Variants in GDNF observed in about 807,000 individuals in gnomAD.
GDNF encodes the protein glial cell derived neurotrophic factor, also known as glial cell line-derived neurotrophic factor.
A neutral mutation model predicts 13.7 loss-of-function variants in GDNF; 5 were observed. That is an observed-to-expected ratio of 0.36 (90% CI 0.19 to 0.77). The LOEUF is 0.77. GDNF is among the 30% of genes least tolerant of loss of function. The pLI, the probability that GDNF is intolerant of heterozygous loss-of-function variation, is 0.51. For synonymous variants in GDNF, 122 were observed against 112.5 expected (o/e 1.08, Z -0.53); for missense variants, 246 against 274.3 (o/e 0.90, Z 0.73).
intron 2 of GDNF, among the ~76,000 whole-genome samples, chr5:37,818,123 C>A (rs1749998175): frequency 6.6e-6 from 1 of 152,188 alleles, no homozygotes; most frequent in South Asian, 2.1e-4. Context: ...ACCTTTTCGG[C>A]TGGGTCATTC....
At chr5:37,820,269 G>C (rs1203467781) in intron 2 of GDNF, among the ~76,000 whole-genome samples, 2 of 152,110 alleles carry the variant, frequency 1.3e-5, no homozygotes, top group South Asian at 2.1e-4. Context: ...AAATCATGCT[G>C]GTTTAGAGAC....
intron 1 of GDNF, chr5:37,835,033 TG>T (rs1264359448): frequency 1.7e-6 from 1 of 587,328 alleles, no homozygotes; most frequent in Non-Finnish European, 3.0e-6. Flanking sequence ...CTCGCACTCC[TG>T]GTTCAGGTTG....
chr5:37,817,593 C>T lies in GDNF; in HGVS notation c.152-1458G>A, dbSNP rs76736226. On this transcript the variant is annotated intron_variant, in intron 2 of 2. Transcript: ENST00000326524. Reference sequence around the variant, plus strand: ...AAATCTAGCAAAAGCAACTTAACCACGTGTGTGTAGAGTGTGTGTGTGTGT... The same window carrying T: ...AAATCTAGCAAAAGCAACTTAACCATGTGTGTGTAGAGTGTGTGTGTGTGT... Among the ~76,000 whole-genome samples, 175 of 141,934 alleles carry T rather than the reference C, an allele frequency of 1.2e-3. 6 individuals are homozygous for T. The East Asian group carries it at 0.03, about 24-fold the overall frequency. The allele number at this position is 141,934 out of a possible 152,430, so 93.1% of individuals were successfully genotyped here.
intron 1 of GDNF, chr5:37,835,352 G>T (rs889278132): frequency 2.2e-6 from 2 of 907,704 alleles, no homozygotes; most frequent in Non-Finnish European, 3.1e-6. Flanking sequence ...GGTCCCAACC[G>T]GGCTTCTGGC....
At chr5:37,820,371 G>C (rs1327859548) in intron 2 of GDNF, among the ~76,000 whole-genome samples, 2 of 152,150 alleles carry the variant, frequency 1.3e-5, no homozygotes, top group Non-Finnish European at 2.9e-5. Flanking sequence ...TTTAGCCCTT[G>C]ATACTTGGAA....
In GDNF at chr5:37,834,571, G is replaced by A. The variant is rs571321882; in HGVS notation, c.151+75C>T. 7.1e-5 allele frequency: 92 copies of A among 1,289,250 alleles called. No homozygotes were observed. The African/African-American group carries it at 1.2e-3, about 17-fold the overall frequency. The allele number at this position is 1,289,250 out of a possible 1,614,324, so 79.9% of individuals were successfully genotyped here. A position where few individuals can be genotyped will look rare whatever the true frequency, so the allele number is the denominator to read the frequency against. On this transcript the variant is annotated intron_variant, in intron 2 of 2. Transcript: ENST00000326524. ...CAGCCATCAGGCTGGCTTGGGGTAC[G>A]TGCGGGGCTGGCTGCGGGTGGGGGT...
intron 2 of GDNF, among the ~76,000 whole-genome samples, chr5:37,821,190 T>C (rs1750125414): frequency 6.6e-6 from 1 of 152,122 alleles, no homozygotes; most frequent in Non-Finnish European, 1.5e-5. Flanking sequence ...CAGAGGCCTC[T>C]CACCCAGCCC....
chr5:37,815,886 T>A lies in GDNF; in HGVS notation c.401A>T (p.Tyr134Phe). 6.2e-7 allele frequency: 1 copy of A among 1,614,188 alleles called. No individual in the cohort carries two copies. The change falls in exon 3 of 3, where the codon TAT becomes TTT. Residue 134 changes from tyrosine to phenylalanine, a missense_variant. By Grantham distance (22) the Tyr-to-Phe change is conservative. Coordinates refer to ENST00000326524, the MANE Select transcript of GDNF (RefSeq NM_000514.4). This position sits in a 1 kb window ranked among gnomAD's most constrained non-coding sequence, Gnocchi z 5.0. The part of the protein sequence containing the change: ...HLNVTDLGLG[Y>F]ETKEELIFRY... ...AAAAATCAGTTCCTCCTTGGTTTCA[T>A]AGCCCAGACCCAAGTCAGTGACATT... is the stretch of plus-strand genomic sequence containing the variant.
chr5:37,827,693 C>T (rs1437034740), intron 2 of GDNF, among the ~76,000 whole-genome samples: 1 of 152,216 alleles, frequency 6.6e-6, no homozygotes, highest in African/African-American at 2.4e-5. Flanking sequence ...TTAACATGTA[C>T]ATTTGAATTG....
rs1053155559 is a variant in GDNF, at chr5:37,814,911, C to G, written c.*740G>C. 1.3e-5 allele frequency: 2 copies of G among 152,350 alleles called. No homozygotes were observed. The highest frequency in any genetic ancestry group is 2.9e-5 in the Non-Finnish European group (2 of 68,148). The allele number at this position is 152,350 out of a possible 1,614,324, so 9.4% of individuals were successfully genotyped here. On this transcript the variant is annotated 3_prime_UTR_variant, in exon 3 of 3. Transcript: ENST00000326524. Reference sequence around the variant, plus strand: ...TGCTGGCGAAAACCACAACTCGTTTCCTGTTTCCAAGGACATAAAGGAAAT... The same window carrying G: ...TGCTGGCGAAAACCACAACTCGTTTGCTGTTTCCAAGGACATAAAGGAAAT...
chr5:37,827,456 A>G (rs976671587), intron 2 of GDNF, among the ~76,000 whole-genome samples: 1 of 152,256 alleles, frequency 6.6e-6, no homozygotes, highest in African/African-American at 2.4e-5. Context: ...AAAAGAGGTT[A>G]ATCTTAGTGA....
intron 2 of GDNF, among the ~76,000 whole-genome samples, chr5:37,818,121 G>A (rs1468842348): frequency 1.3e-5 from 2 of 152,094 alleles, no homozygotes; most frequent in Admixed American, 1.3e-4. Flanking sequence ...TGACCTTTTC[G>A]GCTGGGTCAT....
At chr5:37,819,932 T>G (rs1262726224) in intron 2 of GDNF, among the ~76,000 whole-genome samples, 1 of 152,114 alleles carries the variant, frequency 6.6e-6, no homozygotes, top group East Asian at 1.9e-4. Context: ...TAATAAGCTA[T>G]TAAAGAGGAA....
At chr5:37,817,898 C>T (rs531074673) in intron 2 of GDNF, among the ~76,000 whole-genome samples, 3 of 152,298 alleles carry the variant, frequency 2.0e-5, no homozygotes, top group Admixed American at 1.3e-4. Flanking sequence ...ACATAACCTC[C>T]TCTGCTCAAA....
chr5:37,834,330 G>A (rs1269171948), intron 2 of GDNF, among the ~76,000 whole-genome samples: 1 of 152,262 alleles, frequency 6.6e-6, no homozygotes, highest in East Asian at 1.9e-4. Context: ...ACAGAAAAGG[G>A]GACAGCTGTG....
intron 2 of GDNF, among the ~76,000 whole-genome samples, 199 bp downstream of exon 2, chr5:37,834,447 G>T (rs186467985): frequency 6.6e-6 from 1 of 152,198 alleles, no homozygotes; most frequent in Non-Finnish European, 1.5e-5. Context: ...AAACCAGCGC[G>T]TGTCACTTTC....
Position 37,813,894 on chromosome 5 carries a change from T to C in GDNF, c.*1757A>G, listed in dbSNP as rs1278013996. 6.5e-6 allele frequency: 1 copy of C among 152,960 alleles called. No homozygotes were observed. Among genetic ancestry groups the C allele is most frequent in the Non-Finnish European group, 1.5e-5 (1 of 68,314 alleles). The allele number at this position is 152,960 out of a possible 1,614,324, so 9.5% of individuals were successfully genotyped here. A position where few individuals can be genotyped will look rare whatever the true frequency, so the allele number is the denominator to read the frequency against. On this transcript the variant is annotated 3_prime_UTR_variant, in exon 3 of 3. Transcript: ENST00000326524. ...CCTTCATTTAAAGGCAGCACGCTCC[T>C]AAGTATGAGGCTCCATGTGTGTGGC...
intron 2 of GDNF, among the ~76,000 whole-genome samples, chr5:37,819,389 G>A (rs1750040140): frequency 6.6e-6 from 1 of 151,160 alleles, no homozygotes; most frequent in Admixed American, 6.6e-5. Context: ...GTCTCCTAAA[G>A]CTCTCTGGTC....
chr5:37,813,176 G>C lies in GDNF; in HGVS notation c.*2475C>G, dbSNP rs1276113575. On this transcript the variant is annotated 3_prime_UTR_variant, in exon 3 of 3. Transcript: ENST00000326524. ...GAATTCTCAGCAAGATCCCAAGACA[G>C]TGTGAGAGGGAAGGCCTTTCCTCCA... The C allele has an allele frequency of 6.6e-6, 1 of 152,274 alleles. No individual in the cohort carries two copies. Among genetic ancestry groups the C allele is most frequent in the Non-Finnish European group, 1.5e-5 (1 of 68,068 alleles). 9.4% of individuals were successfully genotyped at this position (152,274 alleles called of 1,614,324 possible).
Sources: allele counts gnomAD v4.1 joint callset (sites outside exome capture counted in the v4.1 genomes callset), GRCh38; gene constraint gnomAD v4.1.1; non-coding constraint Gnocchi (gnomAD v3.1); transcripts MANE v1.5; gene names NCBI Gene and HGNC (gene_info 2026-07-23, HGNC 2026-07-21).